OXT: variants seen among roughly 807,000 people sequenced by gnomAD.
The protein encoded by OXT is oxytocin/neurophysin I prepropeptide, also known as oxytocin-neurophysin 1 proprotein.
Under a neutral mutation model 11.2 loss-of-function variants are expected in OXT, and 9 were observed. The ratio of observed to expected loss-of-function variants is 0.80; its 90% CI spans 0.49 to 1.40. The LOEUF (loss-of-function observed/expected upper bound fraction) is 1.40. Among genes scored for constraint, OXT ranks in the 40% most tolerant of loss-of-function variants. The pLI is 0.00. For missense variants in OXT, 175 were observed against 178.7 expected (o/e 0.98, Z 0.12); for synonymous variants, 76 against 80.9 (o/e 0.94, Z 0.33).
At position 3,072,157 on chromosome 20, in the gene OXT, G is replaced by A; in HGVS notation, c.201G>A (p.Val67=). The A allele has an allele frequency of 6.3e-7, 1 of 1,592,854 alleles. No individual in the cohort carries two copies. Among genetic ancestry groups the A allele is most frequent in the South Asian group, 1.1e-5 (1 of 89,614 alleles). ...ICCAEELGCF[V]GTAEALRCQE... ...GCGCGGAAGAGCTGGGCTGCTTCGTGGGCACCGCCGAAGCGCTGCGCTGCC... is the reference window on the plus strand; with the variant it reads ...GCGCGGAAGAGCTGGGCTGCTTCGTAGGCACCGCCGAAGCGCTGCGCTGCC... Residue 67 remains valine (V), a synonymous_variant, in exon 2 of 3, where the codon GTG becomes GTA. Transcript: ENST00000217386.
Position 3,072,229 on chromosome 20 carries a change from G to T in OXT, c.273G>T (p.Ala91=), listed in dbSNP as rs1390184124. The T allele has an allele frequency of 1.3e-6, 2 of 1,595,730 alleles. No individual in the cohort carries two copies. The highest frequency in any genetic ancestry group is 1.7e-6 in the Non-Finnish European group (2 of 1,177,490). ...CGCCCTGCCAGTCCGGCCAGAAGGC[G>T]TGCGGGAGCGGGGGCCGCTGCGCGG... The part of the protein sequence containing the change: ...LPSPCQSGQK[A]CGSGGRCAVL... The change falls in exon 2 of 3, where the codon GCG becomes GCT. Residue 91 remains alanine, a synonymous_variant. Coordinates refer to ENST00000217386, the MANE Select transcript of OXT (RefSeq NM_000915.4).
In OXT at chr20:3,072,289, C is replaced by A; in HGVS notation, c.322+11C>A. 15 of 1,592,502 alleles carry A rather than the reference C, an allele frequency of 9.4e-6. No individual in the cohort carries two copies. The highest frequency in any genetic ancestry group is 1.3e-5 in the Non-Finnish European group (15 of 1,174,336). The stretch of plus-strand genomic sequence containing the variant: ...TCTGCTGCAGCCCGGGTGAGCGGGG[C>A]AAGGCGCTCCGGGGCCAGGGGGAGG... On this transcript the variant is annotated intron_variant, in intron 2 of 2. Transcript: ENST00000217386.
rs397699169 is a variant in OXT, at chr20:3,072,306, A to AG, written c.322+33dup. The AG allele has an allele frequency of 6.8e-5, 100 of 1,467,884 alleles. 2 individuals carry two copies. Among genetic ancestry groups the AG allele is most frequent in the South Asian group, 4.9e-4 (43 of 87,588 alleles). 90.9% of individuals were successfully genotyped at this position (1,467,884 alleles called of 1,614,324 possible). ...GAGCGGGGCAAGGCGCTCCGGGGCC[A>AG]GGGGGAGGCGGGCGGGGGTGCGGCC... is the stretch of plus-strand genomic sequence containing the variant. On this transcript the variant is annotated intron_variant, in intron 2 of 2. Coordinates refer to ENST00000217386, the MANE Select transcript of OXT (RefSeq NM_000915.4).
chr20:3,072,303 G>A lies in OXT; in HGVS notation c.322+25G>A, dbSNP rs755998155. Reference sequence around the variant, plus strand: ...GGTGAGCGGGGCAAGGCGCTCCGGGGCCAGGGGGAGGCGGGCGGGGGTGCG... The same window carrying A: ...GGTGAGCGGGGCAAGGCGCTCCGGGACCAGGGGGAGGCGGGCGGGGGTGCG... On this transcript the variant is annotated intron_variant, in intron 2 of 2. Transcript: ENST00000217386. 2.0e-5 allele frequency: 32 copies of A among 1,590,782 alleles called. No individual in the cohort carries two copies. In the Admixed American group the frequency reaches 2.9e-4, roughly 14 times the overall value.
intron 1 of OXT, 26 bp from the exon 2 acceptor site, chr20:3,072,051 C>G: frequency 6.7e-7 from 1 of 1,495,050 alleles, no homozygotes; most frequent in Non-Finnish European, 8.8e-7. Flanking sequence ...CGCCCCGGCT[C>G]CCGCTCACCC....
rs769080766 is a variant in OXT, at chr20:3,072,393, C to G, written c.353C>G (p.Ala118Gly). 3 of 1,612,400 alleles carry G rather than the reference C, an allele frequency of 1.9e-6. No homozygotes were observed. The highest frequency in any genetic ancestry group is 2.2e-5 in the South Asian group (2 of 91,094). Residue 118 changes from alanine (A) to glycine (G), a missense_variant, in exon 3 of 3, where the codon GCG (alanine) becomes GGG (glycine). Physicochemically the swap from Ala to Gly is moderately conservative, Grantham distance 60. Transcript: ENST00000217386. ...TGCCACGCCGACCCTGCCTGCGACG[C>G]GGAAGCCACCTTCTCCCAGCGCTGA... ...DGCHADPACD[A>G]EATFSQR
rs751216617 is a variant in OXT at position 3,072,287 on chromosome 20, G to A, written c.322+9G>A. On this transcript the variant is annotated intron_variant, in intron 2 of 2. Coordinates refer to ENST00000217386, the MANE Select transcript of OXT (RefSeq NM_000915.4). The stretch of plus-strand genomic sequence containing the variant: ...CCTCTGCTGCAGCCCGGGTGAGCGG[G>A]GCAAGGCGCTCCGGGGCCAGGGGGA... The A allele has an allele frequency of 1.9e-6, 3 of 1,595,978 alleles. No individual in the cohort carries two copies. Among genetic ancestry groups the A allele is most frequent in the South Asian group, 1.1e-5 (1 of 90,690 alleles).
At chr20:3,072,011 C>T (rs914112644) in intron 1 of OXT, 66 bp from the exon 2 acceptor site, 5 of 1,420,274 alleles carry the variant, frequency 3.5e-6, no homozygotes, top group South Asian at 1.5e-5. Context: ...CGGCCGGCCT[C>T]GCAGGGTCCT....
rs987729089 is a variant in OXT, at chr20:3,072,475, C to G, written c.*57C>G. On this transcript the variant is annotated 3_prime_UTR_variant, in exon 3 of 3. Coordinates refer to ENST00000217386, the MANE Select transcript of OXT (RefSeq NM_000915.4). ...GCCACTCGCTTCCCCCATAGCCACC[C>G]CAGAAATGGTGAAAATAAAATAAAG... 3 of 1,559,308 alleles carry G rather than the reference C, an allele frequency of 1.9e-6. No individual in the cohort carries two copies. The South Asian group carries it at 3.3e-5, about 17-fold the overall frequency.
Position 3,071,714 on chromosome 20 carries a change from G to T in OXT, c.59G>T (p.Cys20Phe). The change falls in exon 1 of 3, where the codon TGC becomes TTC. Residue 20 changes from cysteine (C) to phenylalanine (F), a missense_variant. By Grantham distance (205) the Cys-to-Phe change is radical. Coordinates refer to ENST00000217386, the MANE Select transcript of OXT (RefSeq NM_000915.4). The surrounding 1 kb of genome is among the most constrained non-coding windows in gnomAD (Gnocchi z 4.8). Reference protein sequence around the residue: ...LLGLLALTSACYIQNCPLGGK... With the variant: ...LLGLLALTSAFYIQNCPLGGK... ...GGCCTCCTGGCGCTGACCTCCGCCT[G>T]CTACATCCAGAACTGCCCCCTGGGA... is the stretch of plus-strand genomic sequence containing the variant. The T allele has an allele frequency of 6.3e-7, 1 of 1,590,538 alleles. No homozygotes were observed.
Position 3,072,005 on chromosome 20 carries a change from C to T in OXT, c.121-72C>T, listed in dbSNP as rs2066077692. Reference sequence around the variant, plus strand: ...GCATCCTTGCCCGGCGCACCCCGGCCGGCCTCGCAGGGTCCTCCGAGCGAG... The same window carrying T: ...GCATCCTTGCCCGGCGCACCCCGGCTGGCCTCGCAGGGTCCTCCGAGCGAG... On this transcript the variant is annotated intron_variant, in intron 1 of 2. Transcript: ENST00000217386. 4 of 1,399,172 alleles carry T rather than the reference C, an allele frequency of 2.9e-6. No individual in the cohort carries two copies. In the Admixed American group the frequency reaches 9.7e-5, roughly 34 times the overall value. 86.7% of individuals were successfully genotyped at this position (1,399,172 alleles called of 1,614,324 possible).
rs1201860639 is a variant in OXT, at chr20:3,072,394, G to A, written c.354G>A (p.Ala118=). The part of the protein sequence containing the change: ...DGCHADPACD[A]EATFSQR ...GCCACGCCGACCCTGCCTGCGACGC[G>A]GAAGCCACCTTCTCCCAGCGCTGAA... Residue 118 remains alanine, a synonymous_variant, in exon 3 of 3, where the codon GCG becomes GCA. Coordinates refer to ENST00000217386, the MANE Select transcript of OXT (RefSeq NM_000915.4). The A allele has an allele frequency of 1.2e-6, 2 of 1,612,352 alleles. No individual in the cohort carries two copies. The highest frequency in any genetic ancestry group is 1.7e-6 in the Non-Finnish European group (2 of 1,180,012).
At position 3,072,369 on chromosome 20, in the gene OXT, G is replaced by T; in HGVS notation, c.329G>T (p.Cys110Phe). 6.2e-7 allele frequency: 1 copy of T among 1,610,608 alleles called. No individual in the cohort carries two copies. Residue 110 changes from cysteine to phenylalanine, a missense_variant, in exon 3 of 3, where the codon TGC becomes TTC. Physicochemically the swap from Cys to Phe is radical, Grantham distance 205. Coordinates refer to ENST00000217386, the MANE Select transcript of OXT (RefSeq NM_000915.4). ...VLGLCCSPDG[C>F]HADPACDAEA... is the part of the protein sequence containing the mutation. ...ACTCCACCTCTTCCTCCAGACGGCTGCCACGCCGACCCTGCCTGCGACGCG... is the reference window on the plus strand; with the variant it reads ...ACTCCACCTCTTCCTCCAGACGGCTTCCACGCCGACCCTGCCTGCGACGCG...
intron 1 of OXT, 74 bp from the exon 2 acceptor site, chr20:3,072,003 G>A: frequency 1.4e-6 from 2 of 1,396,472 alleles, no homozygotes; most frequent in Middle Eastern, 2.6e-4. Flanking sequence ...GCGCACCCCG[G>A]CCGGCCTCGC....
In OXT at chr20:3,071,766, C is replaced by A. The variant is rs567191373; in HGVS notation, c.111C>A (p.Asp37Glu). Residue 37 changes from aspartate (D) to glutamate (E), a missense_variant, in exon 1 of 3, where the codon GAC becomes GAA. Coordinates refer to ENST00000217386, the MANE Select transcript of OXT (RefSeq NM_000915.4). The surrounding 1 kb of genome is among the most constrained non-coding windows in gnomAD (Gnocchi z 4.8). ...LGGKRAAPDLDVRKCLPCGPG... is the reference protein window; with the variant it reads ...LGGKRAAPDLEVRKCLPCGPG... Reference sequence around the variant, plus strand: ...GCAAGAGGGCCGCGCCGGACCTCGACGTGCGCAAGGTGAGTCCCCAGCCCT... The same window carrying A: ...GCAAGAGGGCCGCGCCGGACCTCGAAGTGCGCAAGGTGAGTCCCCAGCCCT... 2 of 1,574,726 alleles carry A rather than the reference C, an allele frequency of 1.3e-6. No homozygotes were observed. The highest frequency in any genetic ancestry group is 1.7e-6 in the Non-Finnish European group (2 of 1,165,772).
Position 3,072,515 on chromosome 20 carries a change from C to G in OXT, c.*97C>G. 7.7e-7 allele frequency: 1 copy of G among 1,305,830 alleles called. No homozygotes were observed. Among genetic ancestry groups the G allele is most frequent in the South Asian group, 1.2e-5 (1 of 82,306 alleles). The allele number at this position is 1,305,830 out of a possible 1,614,324, so 80.9% of individuals were successfully genotyped here. ...ATAAAATAAAGCAGGTTTTTCTCCT[C>G]TACCTTGACTCGTGTCTAAGTGCCA... On this transcript the variant is annotated 3_prime_UTR_variant, in exon 3 of 3. Transcript: ENST00000217386.
In OXT at chr20:3,071,697, G is replaced by T; in HGVS notation, c.42G>T (p.Leu14=). The T allele has an allele frequency of 6.3e-7, 1 of 1,594,400 alleles. No individual in the cohort carries two copies. The highest frequency in any genetic ancestry group is 2.3e-5 in the East Asian group (1 of 44,018). The part of the protein sequence containing the change: ...PSLACCLLGL[L]ALTSACYIQN... ...TCGCTTGCTGTCTGCTCGGCCTCCT[G>T]GCGCTGACCTCCGCCTGCTACATCC... is the stretch of plus-strand genomic sequence containing the variant. Residue 14 remains leucine, a synonymous_variant, in exon 1 of 3, where the codon CTG becomes CTT. Transcript: ENST00000217386. The surrounding 1 kb of genome is among the most constrained non-coding windows in gnomAD (Gnocchi z 4.8).
chr20:3,072,206 C>G lies in OXT; in HGVS notation c.250C>G (p.Pro84Ala). ...RCQEENYLPSPCQSGQKACGS... is the reference protein window; with the variant it reads ...RCQEENYLPSACQSGQKACGS... Reference sequence around the variant, plus strand: ...CCAGGAGGAGAACTACCTGCCGTCGCCCTGCCAGTCCGGCCAGAAGGCGTG... The same window carrying G: ...CCAGGAGGAGAACTACCTGCCGTCGGCCTGCCAGTCCGGCCAGAAGGCGTG... The change falls in exon 2 of 3, where the codon CCC (proline) becomes GCC (alanine). Residue 84 changes from proline (P) to alanine (A), a missense_variant. Pro to Ala is a conservative substitution (Grantham distance 27, BLOSUM62 -1). Coordinates refer to ENST00000217386, the MANE Select transcript of OXT (RefSeq NM_000915.4). The G allele has an allele frequency of 6.3e-7, 1 of 1,596,918 alleles. No homozygotes were observed. Among genetic ancestry groups the G allele is most frequent in the South Asian group, 1.1e-5 (1 of 90,408 alleles).
chr20:3,072,247 C>T lies in OXT; in HGVS notation c.291C>T (p.Arg97=). The change falls in exon 2 of 3, where the codon CGC becomes CGT. Residue 97 remains arginine, a synonymous_variant. Coordinates refer to ENST00000217386, the MANE Select transcript of OXT (RefSeq NM_000915.4). ...SGQKACGSGG[R]CAVLGLCCSP... is the part of the protein sequence containing the mutation. ...AGAAGGCGTGCGGGAGCGGGGGCCGCTGCGCGGTCTTGGGCCTCTGCTGCA... is the reference window on the plus strand; with the variant it reads ...AGAAGGCGTGCGGGAGCGGGGGCCGTTGCGCGGTCTTGGGCCTCTGCTGCA... 1.3e-6 allele frequency: 2 copies of T among 1,594,686 alleles called. No individual in the cohort carries two copies. Among genetic ancestry groups the T allele is most frequent in the Non-Finnish European group, 1.7e-6 (2 of 1,176,984 alleles).
Sources: gnomAD v4.1 joint callset for allele counts on GRCh38, gnomAD v4.1.1 for gene constraint, Gnocchi (gnomAD v3.1) non-coding constraint, MANE v1.5 for transcripts, NCBI Gene and HGNC (gene_info 2026-07-23, HGNC 2026-07-21) for gene names.